Variants in SPPL2A observed in about 807,000 individuals in gnomAD.
The protein encoded by SPPL2A is signal peptide peptidase like 2A, also known as signal peptide peptidase-like 2A.
A neutral mutation model predicts 63.8 loss-of-function variants in SPPL2A; 51 were observed. That is an observed-to-expected ratio of 0.80 (90% CI 0.64 to 1.01). The LOEUF (loss-of-function observed/expected upper bound fraction) is 1.01. Ranked by LOEUF, SPPL2A falls within the 50% of genes least tolerant of loss-of-function variation. The pLI is 0.00. For synonymous variants in SPPL2A, 188 were observed against 205.8 expected (o/e 0.91, Z 0.74); for missense variants, 553 against 622.7 (o/e 0.89, Z 1.19).
chr15:50,748,730 T>A lies in SPPL2A; in HGVS notation c.318A>T (p.Lys106Asn). The change falls in exon 3 of 15, where the codon AAA (lysine) becomes AAT (asparagine). Residue 106 changes from lysine to asparagine, a missense_variant. Coordinates refer to ENST00000261854, the MANE Select transcript of SPPL2A (RefSeq NM_032802.4). ...HFLEKARIAQ[K>N]GGAEAMLVVN... The stretch of plus-strand genomic sequence containing the variant: ...CAACTAACATTGCTTCAGCACCTCC[T>A]TTCTGTGCAATTCTGGCTTTTTCAA... 6.2e-7 allele frequency: 1 copy of A among 1,611,472 alleles called. No homozygotes were observed. The highest frequency in any genetic ancestry group is 8.5e-7 in the Non-Finnish European group (1 of 1,179,032).
rs780318710 is a variant in SPPL2A at position 50,739,795 on chromosome 15, T to G, written c.618A>C (p.Arg206Ser). 1 of 1,605,756 alleles carries G rather than the reference T, an allele frequency of 6.2e-7. No homozygotes were observed. The highest frequency in any genetic ancestry group is 1.1e-5 in the South Asian group (1 of 89,490). ...ENLKAVTTED[R>S]EMRKKKEEYL... ...ATTCTTCCTTCTTTTTCCTCATTTC[T>G]CTATCTTCAGTTGTCACTGCTTTCA... The change falls in exon 6 of 15, where the codon AGA (arginine) becomes AGC (serine). Residue 206 changes from arginine to serine, a missense_variant. Transcript: ENST00000261854.
At chr15:50,748,068 A>C in intron 4 of SPPL2A, 45 bp downstream of exon 4, 1 of 754,872 alleles carries the variant, frequency 1.3e-6, no homozygotes, top group Non-Finnish European at 2.0e-6. Flanking sequence ...AAATAAAGAG[A>C]TACAGTATTT....
chr15:50,725,164 G>A, intron 12 of SPPL2A, 57 bp downstream of exon 12: 1 of 1,028,212 alleles, frequency 9.7e-7, no homozygotes. Flanking sequence ...CTATACATAT[G>A]ACGATTTAAA....
chr15:50,724,264 G>C (rs1256563079), intron 12 of SPPL2A, among the ~76,000 whole-genome samples: 1 of 152,142 alleles, frequency 6.6e-6, no homozygotes, highest in Non-Finnish European at 1.5e-5. Flanking sequence ...CAGGCAGTTA[G>C]TACATAGGAA....
Position 50,755,919 on chromosome 15 carries a change from C to T in SPPL2A, c.67-6173G>A, listed in dbSNP as rs180781201. On this transcript the variant is annotated intron_variant, in intron 1 of 14. Coordinates refer to ENST00000261854, the MANE Select transcript of SPPL2A (RefSeq NM_032802.4). ...ACAGTTATCAGCCACCACGCTTGGCCTGATATTCTGCATTTCTAATAAGCT... is the reference window on the plus strand; with the variant it reads ...ACAGTTATCAGCCACCACGCTTGGCTTGATATTCTGCATTTCTAATAAGCT... 4.6e-5 allele frequency among the ~76,000 whole-genome samples: 7 copies of T among 152,182 alleles called. No individual in the cohort carries two copies. The East Asian group carries it at 1.2e-3, about 25-fold the overall frequency.
chr15:50,710,313 C>G (rs1435761117), intron 14 of SPPL2A, among the ~76,000 whole-genome samples: 5 of 152,174 alleles, frequency 3.3e-5, no homozygotes, highest in Admixed American at 3.3e-4. Flanking sequence ...CTTGCCTCTT[C>G]TTTCCTAATC....
intron 14 of SPPL2A, among the ~76,000 whole-genome samples, chr15:50,711,551 C>T (rs2062558953): frequency 6.6e-6 from 1 of 152,106 alleles, no homozygotes; most frequent in Non-Finnish European, 1.5e-5. Flanking sequence ...AGAAACATTA[C>T]TTCTTTTGAT....
At chr15:50,755,210 C>T (rs553565251) in intron 1 of SPPL2A, among the ~76,000 whole-genome samples, 13 of 151,554 alleles carry the variant, frequency 8.6e-5, no homozygotes, top group African/African-American at 2.4e-4. Context: ...CCCAGCTACT[C>T]GGAAGCCTGA....
At chr15:50,721,077 G>T (rs2062642629) in intron 13 of SPPL2A, among the ~76,000 whole-genome samples, 1 of 152,048 alleles carries the variant, frequency 6.6e-6, no homozygotes, top group South Asian at 2.1e-4. Flanking sequence ...TCGCTCAGTT[G>T]CCCAGGCTGG....
At chr15:50,715,011 T>G (rs914742859) in intron 14 of SPPL2A, among the ~76,000 whole-genome samples, 5 of 151,864 alleles carry the variant, frequency 3.3e-5, no homozygotes, top group African/African-American at 1.2e-4. Context: ...TTTTTTTTTG[T>G]TTAGACTGTG....
chr15:50,738,542 C>G (rs1596388635), intron 6 of SPPL2A, among the ~76,000 whole-genome samples: 1 of 148,732 alleles, frequency 6.7e-6, no homozygotes, highest in South Asian at 2.1e-4. Context: ...GAGCAAGACT[C>G]TGTTTCCAAA....
At chr15:50,751,816 G>GT (rs1035532218) in intron 1 of SPPL2A, among the ~76,000 whole-genome samples, 43 of 152,078 alleles carry the variant, frequency 2.8e-4, no homozygotes, top group Admixed American at 7.9e-4. Flanking sequence ...AGTATCCTTT[G>GT]TTTTTTTCTT....
intron 5 of SPPL2A, among the ~76,000 whole-genome samples, chr15:50,745,252 G>A (rs976464727): frequency 1.3e-5 from 2 of 152,150 alleles, no homozygotes; most frequent in African/African-American, 4.8e-5. Context: ...CTGGGTTCAA[G>A]TGATTCTCCT....
At chr15:50,733,474 G>A (rs2062746202) in intron 8 of SPPL2A, among the ~76,000 whole-genome samples, 1 of 151,114 alleles carries the variant, frequency 6.6e-6, no homozygotes, top group South Asian at 2.1e-4. Context: ...ATATTTTTTT[G>A]CACTTTGCTT....
chr15:50,757,341 C>T (rs1596399834), intron 1 of SPPL2A, among the ~76,000 whole-genome samples: 1 of 152,148 alleles, frequency 6.6e-6, no homozygotes, highest in East Asian at 1.9e-4. Context: ...CTCGGCCTCC[C>T]AAAGTGCTGG....
At position 50,727,612 on chromosome 15, in the gene SPPL2A, G is replaced by A. The variant is rs1274386944; in HGVS notation, c.1090-1235C>T. On this transcript the variant is annotated intron_variant, in intron 10 of 14. Transcript: ENST00000261854. ...AAGACACAATACTGAGCACAGTGGTGGACGGAAAAAAATGAACAAGACAGG... is the reference window on the plus strand; with the variant it reads ...AAGACACAATACTGAGCACAGTGGTAGACGGAAAAAAATGAACAAGACAGG... Among the ~76,000 whole-genome samples the A allele has an allele frequency of 3.3e-5, 5 of 152,116 alleles. No homozygotes were observed. In the East Asian group the frequency reaches 9.6e-4, roughly 29 times the overall value.
At chr15:50,732,160 C>T (rs944668605) in intron 9 of SPPL2A, among the ~76,000 whole-genome samples, 6 of 151,888 alleles carry the variant, frequency 4.0e-5, no homozygotes, top group Admixed American at 1.3e-4. Context: ...ATAACAGGCA[C>T]TGGGATACTC....
chr15:50,752,380 G>A (rs1207058989), intron 1 of SPPL2A, among the ~76,000 whole-genome samples: 5 of 151,608 alleles, frequency 3.3e-5, no homozygotes, highest in South Asian at 2.1e-4. Flanking sequence ...TCAGGAGTTC[G>A]AGATCAGCAT....
rs2062687508 is a variant in SPPL2A at position 50,726,311 on chromosome 15, C to T, written c.1146+10G>A. On this transcript the variant is annotated intron_variant, in intron 11 of 14. Transcript: ENST00000261854. ...CTGGATAGCCATTTCTATTTCATTG[C>T]CATCCCTACCTTTTCATTATTTCCA... 1 of 1,612,996 alleles carries T rather than the reference C, an allele frequency of 6.2e-7. No homozygotes were observed. The highest frequency in any genetic ancestry group is 1.3e-5 in the African/African-American group (1 of 74,922).
Sources: gnomAD v4.1 joint callset for allele counts (sites outside exome capture counted in the v4.1 genomes callset) on GRCh38, gnomAD v4.1.1 for gene constraint, MANE v1.5 for transcripts, NCBI Gene and HGNC (gene_info 2026-07-23, HGNC 2026-07-21) for gene names.